The following COPB1 variants were observed in gnomAD, a reference collection of about 807,000 sequenced individuals.
The protein encoded by COPB1 is coatomer subunit beta.
A neutral mutation model predicts 108.7 loss-of-function variants in COPB1; 21 were observed. The observed-to-expected ratio is 0.19, with a 90% confidence interval of 0.14 to 0.28. The LOEUF is 0.28. Among genes scored for constraint, COPB1 ranks in the 10% least tolerant of loss-of-function variants. The probability of loss-of-function intolerance (pLI) is 1.00; values close to 1 mark genes in which losing one functional copy is unlikely to be tolerated. For missense variants in COPB1, 919 were observed against 1,141.3 expected, an observed-to-expected ratio of 0.81 and a Z score of 2.81; for synonymous variants, 378 against 386.8, an observed-to-expected ratio of 0.98 and a Z score of 0.27.
intron 7 of COPB1, among the ~76,000 whole-genome samples, chr11:14,483,681 T>C (rs1447946570): frequency 6.6e-6 from 1 of 151,940 alleles, no homozygotes; most frequent in African/African-American, 2.4e-5. Flanking sequence ...GAATAAAATG[T>C]CCATACTGAT....
intron 3 of COPB1, 84 bp downstream of exon 3, chr11:14,494,126 T>G: frequency 1.1e-6 from 1 of 938,446 alleles, no homozygotes. Flanking sequence ...AAGACTCAAT[T>G]TTAACAATTA....
At chr11:14,460,928 G>A (rs1850132624) in intron 19 of COPB1, among the ~76,000 whole-genome samples, 1 of 152,056 alleles carries the variant, frequency 6.6e-6, no homozygotes, top group Admixed American at 6.6e-5. Flanking sequence ...ATACATAGAA[G>A]GGATGGAATA....
At chr11:14,489,734 A>G (rs1850854355) in intron 5 of COPB1, among the ~76,000 whole-genome samples, 2 of 152,196 alleles carry the variant, frequency 1.3e-5, no homozygotes, top group African/African-American at 4.8e-5. Context: ...GGTAATAAGG[A>G]GCTATTTTTT....
rs766697977 is a variant in COPB1, at chr11:14,480,876, T to C, written c.1095A>G (p.Ile365Met). 2 of 1,614,060 alleles carry C rather than the reference T, an allele frequency of 1.2e-6. No homozygotes were observed. Among genetic ancestry groups the C allele is most frequent in the Non-Finnish European group, 1.7e-6 (2 of 1,179,944 alleles). The change falls in exon 10 of 22, where the codon ATA becomes ATG. Residue 365 changes from isoleucine to methionine, a missense_variant. Transcript: ENST00000439561. ...ELVIVLKKEV[I>M]KTNNVSEHED... is the part of the protein sequence containing the mutation. ...CATGCTCAGACACATTATTTGTTTT[T>C]ATCACTTCCTTCTTCAGGACAATAA...
intron 7 of COPB1, 72 bp from the exon 8 acceptor site, chr11:14,483,223 GCACAC>G: frequency 2.1e-6 from 2 of 938,482 alleles, no homozygotes; most frequent in Non-Finnish European, 3.0e-6. Context: ...GCATGCGCGC[GCACAC>G]CACACACACA....
At chr11:14,463,350 C>T (rs1437665369) in intron 18 of COPB1, among the ~76,000 whole-genome samples, 1 of 152,206 alleles carries the variant, frequency 6.6e-6, no homozygotes. Context: ...CAGAGTCTCA[C>T]TCTGTTGTCT....
intron 13 of COPB1, 99 bp downstream of exon 13, chr11:14,475,686 G>T: frequency 8.1e-7 from 1 of 1,228,144 alleles, no homozygotes. Context: ...TTTTCATTTT[G>T]GTTGCAAAAG....
At chr11:14,477,389 C>CACAAAAAAAAAAAAAAAAA (rs1850547031) in intron 11 of COPB1, among the ~76,000 whole-genome samples, 1 of 73,312 alleles carries the variant, frequency 1.4e-5, no homozygotes, top group Non-Finnish European at 2.5e-5. Flanking sequence ...GACTCCGTCT[C>CACAAAAAAAAAAAAAAAAA]AAAAAAAAAA....
At chr11:14,466,865 G>A (rs1850293533) in intron 16 of COPB1, among the ~76,000 whole-genome samples, 4 of 152,002 alleles carry the variant, frequency 2.6e-5, no homozygotes, top group Admixed American at 2.6e-4. Flanking sequence ...CAAATCATGT[G>A]GTAGCCCTTG....
In COPB1 at chr11:14,457,571, T is replaced by C; in HGVS notation, c.*253A>G. 3.4e-6 allele frequency: 1 copy of C among 295,036 alleles called. No homozygotes were observed. Among genetic ancestry groups the C allele is most frequent in the Non-Finnish European group, 6.6e-6 (1 of 151,442 alleles). 18.3% of individuals were successfully genotyped at this position (295,036 alleles called of 1,614,324 possible). A position where few individuals can be genotyped will look rare whatever the true frequency, so the allele number is the denominator to read the frequency against. On this transcript the variant is annotated 3_prime_UTR_variant, in exon 22 of 22. Transcript: ENST00000439561. The stretch of plus-strand genomic sequence containing the variant: ...AAAATTTATGAATAGATCTGTTTAT[T>C]GTACTGTGAAAAGGGTCTTGGTACA...
chr11:14,495,538 ATT>A (rs1850999792), intron 2 of COPB1, among the ~76,000 whole-genome samples: 1 of 152,100 alleles, frequency 6.6e-6, no homozygotes, highest in Non-Finnish European at 1.5e-5. Context: ...AAATTTTTGT[ATT>A]TTTACTAGAG....
At chr11:14,477,997 T>C (rs2134110936) in intron 11 of COPB1, among the ~76,000 whole-genome samples, 1 of 149,880 alleles carries the variant, frequency 6.7e-6, no homozygotes, top group East Asian at 2.0e-4. Context: ...CAGAGCAAGC[T>C]TCTGTCTCAA....
intron 14 of COPB1, among the ~76,000 whole-genome samples, chr11:14,470,944 A>ACACACACTCTCTCTCT (rs1285522756): frequency 5.5e-5 from 5 of 90,156 alleles, no homozygotes; most frequent in African/African-American, 2.6e-4. Context: ...ACACACACAC[A>ACACACACTCTCTCTCT]CTCTCTCTCT....
In COPB1 at chr11:14,458,801, T is replaced by C. The variant is rs530226346; in HGVS notation, c.2647-114A>G. 2.2e-4 allele frequency: 212 copies of C among 980,808 alleles called. 1 individual carries two copies. The highest frequency in any genetic ancestry group is 2.0e-3 in the Admixed American group (69 of 33,786). 60.8% of individuals were successfully genotyped at this position (980,808 alleles called of 1,614,324 possible). A position where few individuals can be genotyped will look rare whatever the true frequency, so the allele number is the denominator to read the frequency against. On this transcript the variant is annotated intron_variant, in intron 20 of 21. Transcript: ENST00000439561. ...TTTTTTGAGACAGAGTCTCACTCTGTTGTCCAGCTTGGAGCTGGAGTGCAG... is the reference window on the plus strand; with the variant it reads ...TTTTTTGAGACAGAGTCTCACTCTGCTGTCCAGCTTGGAGCTGGAGTGCAG...
At position 14,479,620 on chromosome 11, in the gene COPB1, A is replaced by G. The variant is rs140633619; in HGVS notation, c.1307T>C (p.Met436Thr). The G allele has an allele frequency of 1.9e-6, 3 of 1,613,654 alleles. No homozygotes were observed. Among genetic ancestry groups the G allele is most frequent in the African/African-American group, 1.3e-5 (1 of 75,014 alleles). Residue 436 changes from methionine to threonine, a missense_variant, in exon 11 of 22, where the codon ATG (methionine) becomes ACG (threonine). Met to Thr is a moderately conservative substitution (Grantham distance 81). This residue lies in a region of COPB1 where 705 missense variants were observed against 817.8 expected (regional missense o/e 0.86). Coordinates refer to ENST00000439561, the MANE Select transcript of COPB1 (RefSeq NM_001144061.2). ...EAIQRFDNLRMLIVEKMLEVF... is the reference protein window; with the variant it reads ...EAIQRFDNLRTLIVEKMLEVF... Reference sequence around the variant, plus strand: ...TTCAAGCATCTTCTCAACAATAAGCATTCTCAGGTTATCAAAGCGCTGAAT... The same window carrying G: ...TTCAAGCATCTTCTCAACAATAAGCGTTCTCAGGTTATCAAAGCGCTGAAT...
chr11:14,457,767 G>T lies in COPB1; in HGVS notation c.*57C>A. ...ATGAAAGAGTACAAAAGATGTTGGA[G>T]TCCAGTAAGCCCATACCTAAATTAA... On this transcript the variant is annotated 3_prime_UTR_variant, in exon 22 of 22. Coordinates refer to ENST00000439561, the MANE Select transcript of COPB1 (RefSeq NM_001144061.2). 9.3e-7 allele frequency: 1 copy of T among 1,073,706 alleles called. No individual in the cohort carries two copies. Among genetic ancestry groups the T allele is most frequent in the Non-Finnish European group, 1.4e-6 (1 of 693,694 alleles). The allele number at this position is 1,073,706 out of a possible 1,614,324, so 66.5% of individuals were successfully genotyped here. A position where few individuals can be genotyped will look rare whatever the true frequency, so the allele number is the denominator to read the frequency against.
At chr11:14,495,136 A>G (rs1850989132) in intron 2 of COPB1, among the ~76,000 whole-genome samples, 2 of 152,242 alleles carry the variant, frequency 1.3e-5, no homozygotes, top group South Asian at 2.1e-4. Flanking sequence ...ACTCTGCAAC[A>G]TAAAGTATTT....
intron 3 of COPB1, 21 bp from the exon 4 acceptor site, chr11:14,493,832 T>A (rs1173094654): frequency 6.6e-7 from 1 of 1,514,440 alleles, no homozygotes; most frequent in Non-Finnish European, 8.9e-7. Flanking sequence ...AATTAAAATA[T>A]GAAATGCTGA....
chr11:14,483,188 CATCT>C (rs1291228842), intron 7 of COPB1, 37 bp from the exon 8 acceptor site: 49 of 1,457,500 alleles, frequency 3.4e-5, no homozygotes, highest in South Asian at 6.4e-5. Flanking sequence ...AGAAGTTATT[CATCT>C]ATCATAAAAT....
Sources: allele counts gnomAD v4.1 joint callset (sites outside exome capture counted in the v4.1 genomes callset), GRCh38; gene constraint gnomAD v4.1.1; regional missense constraint gnomAD v4.1.1; transcripts MANE v1.5; gene names NCBI Gene and HGNC (gene_info 2026-07-23, HGNC 2026-07-21).